The following CLPTM1 variants were observed in gnomAD, a reference collection of about 807,000 sequenced individuals.
CLPTM1 encodes CLPTM1 regulator of GABA type A receptor forward trafficking, also known as putative lipid scramblase CLPTM1.
Under a neutral mutation model 77.3 loss-of-function variants are expected in CLPTM1, and 21 were observed. The ratio of observed to expected loss-of-function variants is 0.27; its 90% CI spans 0.19 to 0.39. CLPTM1 has a LOEUF of 0.39. CLPTM1 is among the 10% of genes least tolerant of loss of function. The pLI is 1.00. For missense variants in CLPTM1, 642 were observed against 921.2 expected (o/e 0.70, Z 3.92); for synonymous variants, 373 against 381.0 (o/e 0.98, Z 0.24).
At chr19:44,979,533 T>C (rs1970860553) in intron 5 of CLPTM1, among the ~76,000 whole-genome samples, 1 of 152,196 alleles carries the variant, frequency 6.6e-6, no homozygotes, top group African/African-American at 2.4e-5. Flanking sequence ...GAATTCTATT[T>C]GTATGAGTTA....
At chr19:44,964,431 C>T (rs569625264) in intron 2 of CLPTM1, among the ~76,000 whole-genome samples, 129 of 150,420 alleles carry the variant, frequency 8.6e-4, no homozygotes, top group African/African-American at 3.1e-3. Context: ...CTGCCTCAGC[C>T]ACCTGAGTAG....
At chr19:44,959,467 G>C (rs891967062) in intron 1 of CLPTM1, among the ~76,000 whole-genome samples, 1 of 151,950 alleles carries the variant, frequency 6.6e-6, no homozygotes, top group Non-Finnish European at 1.5e-5. Flanking sequence ...TGATCCTCCC[G>C]TCTCAGCCTC....
At position 44,991,201 on chromosome 19, in the gene CLPTM1, A is replaced by C; in HGVS notation, c.1420-37A>C. On this transcript the variant is annotated intron_variant, in intron 11 of 13. Transcript: ENST00000337392. The surrounding 1 kb of genome is among the most constrained non-coding windows in gnomAD (Gnocchi z 5.4). ...GGAGCAGGGCTGCCAGGCAGGGCTG[A>C]GGAGCTGGCTGACAGCCCCACCCTG... 1.2e-6 allele frequency: 2 copies of C among 1,611,966 alleles called. No homozygotes were observed. Among genetic ancestry groups the C allele is most frequent in the Non-Finnish European group, 1.7e-6 (2 of 1,178,736 alleles).
rs192256555 is a variant in CLPTM1, at chr19:44,964,965, A to T, written c.185+2890A>T. 3.4e-3 allele frequency among the ~76,000 whole-genome samples: 510 copies of T among 152,094 alleles called. 9 individuals are homozygous for T. Among genetic ancestry groups the T allele is most frequent in the Admixed American group, 0.027 (419 of 15,256 alleles). On this transcript the variant is annotated intron_variant, in intron 2 of 13. Transcript: ENST00000337392. ...AGCTTCTGTTTGAGGCCCTGGGGAGATGCTGGGTGGTGGCGGGGGAATATG... is the reference window on the plus strand; with the variant it reads ...AGCTTCTGTTTGAGGCCCTGGGGAGTTGCTGGGTGGTGGCGGGGGAATATG...
rs531828280 is a variant in CLPTM1, at chr19:44,958,213, T to A, written c.72+2746T>A. On this transcript the variant is annotated intron_variant, in intron 1 of 13. Coordinates refer to ENST00000337392, the MANE Select transcript of CLPTM1 (RefSeq NM_001294.4). Reference sequence around the variant, plus strand: ...GCTTTTCAGGCAAAGGAGCAGCCAGTGCGAAGGCCCTAAAGTGGGAGGTGC... The same window carrying A: ...GCTTTTCAGGCAAAGGAGCAGCCAGAGCGAAGGCCCTAAAGTGGGAGGTGC... 6.6e-5 allele frequency among the ~76,000 whole-genome samples: 10 copies of A among 151,558 alleles called. 1 individual carries two copies. Among genetic ancestry groups the A allele is most frequent in the Non-Finnish European group, 8.8e-5 (6 of 67,894 alleles).
At position 44,970,073 on chromosome 19, in the gene CLPTM1, A is replaced by G. The variant is rs1399590628; in HGVS notation, c.186-3014A>G. Among the ~76,000 whole-genome samples, 4 of 147,688 alleles carry G rather than the reference A, an allele frequency of 2.7e-5. 2 individuals are homozygous for G. Among genetic ancestry groups the G allele is most frequent in the African/African-American group, 1.1e-4 (4 of 37,896 alleles). ...TATCTCTGTCTGTGTCCTAGTCATT[A>G]TACTTGAAAAGTTATTTGTAGGAAT... On this transcript the variant is annotated intron_variant, in intron 2 of 13. Coordinates refer to ENST00000337392, the MANE Select transcript of CLPTM1 (RefSeq NM_001294.4).
intron 2 of CLPTM1, among the ~76,000 whole-genome samples, chr19:44,966,945 C>T (rs1970640828): frequency 6.6e-6 from 1 of 152,056 alleles, no homozygotes; most frequent in Non-Finnish European, 1.5e-5. Flanking sequence ...AGGTTCACGC[C>T]ATTCTCCTGC....
intron 8 of CLPTM1, chr19:44,987,795 C>T (rs1971005432): frequency 3.6e-6 from 2 of 562,646 alleles, no homozygotes; most frequent in South Asian, 2.1e-5. Flanking sequence ...CCTGGGCTGT[C>T]GTCACTGTTG....
rs181056353 is a variant in CLPTM1 at position 44,974,231 on chromosome 19, C to T, written c.310-208C>T. Among the ~76,000 whole-genome samples the T allele has an allele frequency of 1.3e-3, 191 of 152,238 alleles. 1 individual carries two copies. Among genetic ancestry groups the T allele is most frequent in the African/African-American group, 4.3e-3 (178 of 41,538 alleles). The stretch of plus-strand genomic sequence containing the variant: ...GGCCAGTCTCCAAGTGTTCTTTGTT[C>T]GTTGACTTCACAGGCTCAGACCAGG... On this transcript the variant is annotated intron_variant, in intron 3 of 13. Transcript: ENST00000337392.
At position 44,987,317 on chromosome 19, in the gene CLPTM1, C is replaced by T; in HGVS notation, c.932C>T (p.Ser311Leu). The change falls in exon 8 of 14, where the codon TCG (serine) becomes TTG (leucine). Residue 311 changes from serine (S) to leucine (L), a missense_variant. Coordinates refer to ENST00000337392, the MANE Select transcript of CLPTM1 (RefSeq NM_001294.4). ...LPLRVSFCPLSLWRWQLYAAQ... is the reference protein window; with the variant it reads ...LPLRVSFCPLLLWRWQLYAAQ... ...CTCCGCGTCTCCTTCTGCCCACTCTCGCTTTGGCGCTGGCAGCTCTATGCT... is the reference window on the plus strand; with the variant it reads ...CTCCGCGTCTCCTTCTGCCCACTCTTGCTTTGGCGCTGGCAGCTCTATGCT... The T allele has an allele frequency of 6.2e-7, 1 of 1,614,272 alleles. No individual in the cohort carries two copies. The highest frequency in any genetic ancestry group is 8.5e-7 in the Non-Finnish European group (1 of 1,180,050).
In CLPTM1 at chr19:44,970,874, A is replaced by C. The variant is rs1374139676; in HGVS notation, c.186-2213A>C. On this transcript the variant is annotated intron_variant, in intron 2 of 13. Transcript: ENST00000337392. ...GATGGACTTTTTGCTCTTGTTGCCCAGGCTGGAGTGCCATGGCACGATCTC... is the reference window on the plus strand; with the variant it reads ...GATGGACTTTTTGCTCTTGTTGCCCCGGCTGGAGTGCCATGGCACGATCTC... Among the ~76,000 whole-genome samples, 10 of 135,012 alleles carry C rather than the reference A, an allele frequency of 7.4e-5. 1 individual carries two copies. The highest frequency in any genetic ancestry group is 1.4e-4 in the Non-Finnish European group (9 of 65,424). 88.6% of individuals were successfully genotyped at this position (135,012 alleles called of 152,430 possible).
intron 9 of CLPTM1, among the ~76,000 whole-genome samples, chr19:44,989,700 T>A (rs1283168872): frequency 6.6e-6 from 1 of 152,174 alleles, no homozygotes; most frequent in African/African-American, 2.4e-5. Context: ...ACCACTGTGC[T>A]ACAGACGTGG....
intron 9 of CLPTM1, among the ~76,000 whole-genome samples, chr19:44,989,187 A>C (rs758451204): frequency 3.9e-5 from 6 of 152,194 alleles, no homozygotes; most frequent in Non-Finnish European, 8.8e-5. Flanking sequence ...CGCTCTTGCC[A>C]TTATTGAGAA....
At chr19:44,987,922 C>T in intron 8 of CLPTM1, 158 bp from the exon 9 acceptor site, 1 of 666,516 alleles carries the variant, frequency 1.5e-6, no homozygotes, top group Non-Finnish European at 2.7e-6. Context: ...AGTCACCCTC[C>T]TCTCTCTCCC....
chr19:44,987,753 C>T (rs1971004677), intron 8 of CLPTM1: 4 of 547,978 alleles, frequency 7.3e-6, no homozygotes, highest in Admixed American at 3.2e-5. Context: ...AAATGTCAGC[C>T]TGTGTCTGTG....
chr19:44,978,899 A>G lies in CLPTM1; in HGVS notation c.586+1439A>G, dbSNP rs575981425. On this transcript the variant is annotated intron_variant, in intron 5 of 13. Coordinates refer to ENST00000337392, the MANE Select transcript of CLPTM1 (RefSeq NM_001294.4). Reference sequence around the variant, plus strand: ...AGAATCAGCATGAGTTTTGGCCAGGACAAACATTCAAACCATAGCATTGTC... The same window carrying G: ...AGAATCAGCATGAGTTTTGGCCAGGGCAAACATTCAAACCATAGCATTGTC... 3.9e-5 allele frequency among the ~76,000 whole-genome samples: 6 copies of G among 152,090 alleles called. No individual in the cohort carries two copies. The East Asian group carries it at 1.2e-3, about 29-fold the overall frequency.
intron 2 of CLPTM1, among the ~76,000 whole-genome samples, chr19:44,968,362 G>T (rs771773603): frequency 1.4e-4 from 22 of 152,192 alleles, no homozygotes; most frequent in Non-Finnish European, 2.1e-4. Context: ...GGAGTGGGAG[G>T]TGGAGCAGGA....
At chr19:44,955,983 T>G (rs1275118732) in intron 1 of CLPTM1, 2 of 153,402 alleles carry the variant, frequency 1.3e-5, no homozygotes, top group Non-Finnish European at 2.9e-5. Context: ...TGGTTAGGTT[T>G]GTAACTTTAT....
intron 5 of CLPTM1, among the ~76,000 whole-genome samples, chr19:44,982,739 G>A (rs1229109180): frequency 6.6e-6 from 1 of 152,218 alleles, no homozygotes; most frequent in African/African-American, 2.4e-5. Context: ...CCTGGACACA[G>A]GAGGAAGATC....
Sources: gnomAD v4.1 joint callset for allele counts (sites outside exome capture counted in the v4.1 genomes callset) on GRCh38, gnomAD v4.1.1 for gene constraint, Gnocchi (gnomAD v3.1) non-coding constraint, MANE v1.5 for transcripts, NCBI Gene and HGNC (gene_info 2026-07-23, HGNC 2026-07-21) for gene names.